The following CFAP57 variants were observed in gnomAD, a reference collection of about 807,000 sequenced individuals.
CFAP57 encodes cilia and flagella associated protein 57.
Under a neutral mutation model 146.8 loss-of-function variants are expected in CFAP57, and 116 were observed. That is an observed-to-expected ratio of 0.79 (90% CI 0.68 to 0.92). The LOEUF (loss-of-function observed/expected upper bound fraction) is 0.92, where lower values mean the gene tolerates loss of function less well. Among genes scored for constraint, CFAP57 ranks in the 40% least tolerant of loss-of-function variants. The pLI, the probability that CFAP57 is intolerant of heterozygous loss-of-function variation, is 0.00. For synonymous variants in CFAP57, 518 were observed against 552.8 expected, an observed-to-expected ratio of 0.94 and a Z score of 0.88; for missense variants, 1,377 against 1,527.2, an observed-to-expected ratio of 0.90 and a Z score of 1.64.
rs769006660 is a variant in CFAP57, at chr1:43,186,670, G to A, written c.970-37G>A. On this transcript the variant is annotated intron_variant, in intron 5 of 22. Transcript: ENST00000372492. ...AAGCCTAAGGCCACAATGACAACGT[G>A]GGGACATTACTGATAGCTGTTTTGC... The A allele has an allele frequency of 2.5e-6, 4 of 1,606,352 alleles. No homozygotes were observed. In the East Asian group the frequency reaches 8.9e-5, roughly 36 times the overall value.
chr1:43,207,009 T>C, intron 10 of CFAP57, 77 bp downstream of exon 10: 4 of 1,481,756 alleles, frequency 2.7e-6, no homozygotes, highest in Non-Finnish European at 3.7e-6. Flanking sequence ...CAGCACAAAG[T>C]ATGCACGGAA....
At chr1:43,233,237 T>A (rs1000873236) in intron 19 of CFAP57, among the ~76,000 whole-genome samples, 4 of 152,172 alleles carry the variant, frequency 2.6e-5, no homozygotes, top group Admixed American at 2.6e-4. Flanking sequence ...ATGCCTGTAA[T>A]CCCAGCACTT....
intron 7 of CFAP57, 114 bp downstream of exon 7, chr1:43,197,806 A>C: frequency 2.1e-6 from 3 of 1,450,686 alleles, no homozygotes; most frequent in East Asian, 4.8e-5. Context: ...TTTCAGTTGG[A>C]AAAGATTTTT....
chr1:43,249,727 G>T (rs1303395507), intron 22 of CFAP57, among the ~76,000 whole-genome samples: 1 of 150,974 alleles, frequency 6.6e-6, no homozygotes, highest in African/African-American at 2.4e-5. Context: ...TTACAGGTGT[G>T]AGCCACTGCG....
chr1:43,210,345 A>C, intron 11 of CFAP57: 1 of 1,359,780 alleles, frequency 7.4e-7, no homozygotes, highest in South Asian at 1.7e-5. Context: ...CCATGAGTAC[A>C]CATTTGTAAA....
At chr1:43,219,669 C>T (rs1168354725) in intron 13 of CFAP57, 132 bp downstream of exon 13, 30 of 1,157,138 alleles carry the variant, frequency 2.6e-5, no homozygotes, top group African/African-American at 3.1e-5. Flanking sequence ...AAAGCATAGT[C>T]GTTGATATCA....
chr1:43,231,699 C>CA (rs10588937), intron 18 of CFAP57, among the ~76,000 whole-genome samples: 8,110 of 83,464 alleles, frequency 0.097, 689 homozygotes, highest in African/African-American at 0.21. Flanking sequence ...CCTAAAAATA[C>CA]AAAAAAAAAA....
Position 43,206,727 on chromosome 1 carries a change from C to A in CFAP57, c.1550C>A (p.Ser517Ter). 1 of 1,613,888 alleles carries A rather than the reference C, an allele frequency of 6.2e-7. No individual in the cohort carries two copies. The highest frequency in any genetic ancestry group is 1.1e-5 in the South Asian group (1 of 91,036). ...TGTCTTCCTCTCCTGCAGATTCGCT[C>A]AATTGTGTGGAATGCAGATGATAGC... ...SLKGHTGKIR[S>*]IVWNADDSKL... Residue 517 changes from serine (S) to a stop codon, truncating the protein, a stop_gained, in exon 10 of 23, where the codon TCA becomes TAA. Transcript: ENST00000372492. LOFTEE classifies it high-confidence loss of function.
chr1:43,175,348 A>G (rs1326525024), intron 2 of CFAP57, among the ~76,000 whole-genome samples: 2 of 151,776 alleles, frequency 1.3e-5, no homozygotes, highest in Non-Finnish European at 1.5e-5. Flanking sequence ...ATATAGATAC[A>G]GACACACACA....
chr1:43,241,322 A>T (rs1381767197), intron 21 of CFAP57, among the ~76,000 whole-genome samples: 1 of 152,190 alleles, frequency 6.6e-6, no homozygotes, highest in Admixed American at 6.5e-5. Flanking sequence ...AAACATCCAA[A>T]CTATATTGTA....
rs917792900 is a variant in CFAP57, at chr1:43,226,996, A to G, written c.2879A>G (p.Tyr960Cys). 1.3e-6 allele frequency: 2 copies of G among 1,518,376 alleles called. No homozygotes were observed. Among genetic ancestry groups the G allele is most frequent in the South Asian group, 1.3e-5 (1 of 77,752 alleles). 94.1% of individuals were successfully genotyped at this position (1,518,376 alleles called of 1,614,324 possible). ...ETIQDKEKRIYDLKKKNQELG... is the reference protein window; with the variant it reads ...ETIQDKEKRICDLKKKNQELG... Reference sequence around the variant, plus strand: ...TCTCACCCCCAGGAGAAGCGAATTTATGATCTGAAAAAGAAAAATCAAGAA... The same window carrying G: ...TCTCACCCCCAGGAGAAGCGAATTTGTGATCTGAAAAAGAAAAATCAAGAA... The change falls in exon 18 of 23, where the codon TAT (tyrosine) becomes TGT (cysteine). Residue 960 changes from tyrosine to cysteine, a missense_variant. Physicochemically the swap from Tyr to Cys is radical, Grantham distance 194 (BLOSUM62 -2). Transcript: ENST00000372492.
intron 22 of CFAP57, among the ~76,000 whole-genome samples, chr1:43,245,208 T>G (rs1257633662): frequency 6.6e-6 from 1 of 151,912 alleles, no homozygotes; most frequent in South Asian, 2.1e-4. Context: ...ATTCGGGAGG[T>G]TGAGGTGTGA....
At chr1:43,246,123 T>C (rs1363767062) in intron 22 of CFAP57, among the ~76,000 whole-genome samples, 1 of 152,230 alleles carries the variant, frequency 6.6e-6, no homozygotes, top group Admixed American at 6.5e-5. Flanking sequence ...GCAGATTCAC[T>C]GCAATCCCTA....
intron 4 of CFAP57, among the ~76,000 whole-genome samples, chr1:43,184,371 A>G (rs1557734680): frequency 2.0e-5 from 3 of 152,246 alleles, no homozygotes; most frequent in Non-Finnish European, 4.4e-5. Flanking sequence ...ATTGACCATT[A>G]TAATAGAGAT....
chr1:43,234,302 C>T lies in CFAP57; in HGVS notation c.3150C>T (p.Val1050=). 1 of 1,548,986 alleles carries T rather than the reference C, an allele frequency of 6.5e-7. No individual in the cohort carries two copies. The highest frequency in any genetic ancestry group is 8.7e-7 in the Non-Finnish European group (1 of 1,146,420). The change falls in exon 20 of 23, where the codon GTC becomes GTT. Residue 1050 remains valine (V), a synonymous_variant. Coordinates refer to ENST00000372492, the MANE Select transcript of CFAP57 (RefSeq NM_001378189.1). ...RQKERDLEAL[V]KRFKTDLHNC... is the part of the protein sequence containing the mutation. Reference sequence around the variant, plus strand: ...AGGAGCGAGACTTGGAAGCGCTGGTCAAAAGGTTTAAAACAGACCTCCACA... The same window carrying T: ...AGGAGCGAGACTTGGAAGCGCTGGTTAAAAGGTTTAAAACAGACCTCCACA...
chr1:43,204,342 G>A lies in CFAP57; in HGVS notation c.1543-2378G>A, dbSNP rs147830366. ...ATCTACCATCTGGGCCCCTTCAAAG[G>A]CAATTTCTATTGCCTGAATGCTTTC... is the stretch of plus-strand genomic sequence containing the variant. On this transcript the variant is annotated intron_variant, in intron 9 of 22. Transcript: ENST00000372492. Among the ~76,000 whole-genome samples the A allele has an allele frequency of 5.5e-3, 839 of 152,200 alleles. 5 individuals are homozygous for A. Among genetic ancestry groups the A allele is most frequent in the Non-Finnish European group, 9.3e-3 (629 of 67,992 alleles).
At chr1:43,240,033 T>G (rs553999851) in intron 21 of CFAP57, among the ~76,000 whole-genome samples, 1 of 152,232 alleles carries the variant, frequency 6.6e-6, no homozygotes, top group East Asian at 1.9e-4. Context: ...TGTCATGATA[T>G]AAAGTCTGCA....
intron 2 of CFAP57, among the ~76,000 whole-genome samples, chr1:43,175,509 T>TTTATG (rs1645137680): frequency 6.6e-6 from 1 of 151,728 alleles, no homozygotes; most frequent in Non-Finnish European, 1.5e-5. Context: ...TTTATTTTAT[T>TTTATG]TTATTTATTT....
Position 43,172,426 on chromosome 1 carries a change from G to C in CFAP57, c.-47G>C, listed in dbSNP as rs1644998306. ...AGGTAGCGCCTCTGGATACATGCGT[G>C]GTCTGCTGACCCAGAGAGAAACGAA... On this transcript the variant is annotated 5_prime_UTR_variant, in exon 1 of 23. Coordinates refer to ENST00000372492, the MANE Select transcript of CFAP57 (RefSeq NM_001378189.1). The C allele has an allele frequency of 1.3e-6, 2 of 1,551,054 alleles. No individual in the cohort carries two copies. Among genetic ancestry groups the C allele is most frequent in the East Asian group, 2.4e-5 (1 of 40,900 alleles).
Sources: gnomAD v4.1 joint callset for allele counts (sites outside exome capture counted in the v4.1 genomes callset) on GRCh38, gnomAD v4.1.1 for gene constraint, MANE v1.5 for transcripts, NCBI Gene and HGNC (gene_info 2026-07-23, HGNC 2026-07-21) for gene names.